CSF1R: variants seen among roughly 807,000 people sequenced by gnomAD.
The protein encoded by CSF1R is macrophage colony-stimulating factor 1 receptor.
CSF1R carries 40 observed loss-of-function variants against 110.0 expected under a neutral mutation model. That is an observed-to-expected ratio of 0.36 (90% confidence interval 0.28 to 0.47). The LOEUF (loss-of-function observed/expected upper bound fraction) is 0.47. Ranked by LOEUF, CSF1R falls within the 20% of genes least tolerant of loss-of-function variation. The pLI, the probability that CSF1R is intolerant of heterozygous loss-of-function variation, is 0.99. For missense variants in CSF1R, 1,052 were observed against 1,253.0 expected, an observed-to-expected ratio of 0.84 and a Z score of 2.42; for synonymous variants, 523 against 503.4, an observed-to-expected ratio of 1.04 and a Z score of -0.52.
rs898718835 is a variant in CSF1R at position 150,057,216 on chromosome 5, A to G, written c.2319+71T>C. Reference sequence around the variant, plus strand: ...CACAGGCTCCCGTTTCCTCCTCCCCATCGTCACTCATCCAGCCTCCCCGGA... The same window carrying G: ...CACAGGCTCCCGTTTCCTCCTCCCCGTCGTCACTCATCCAGCCTCCCCGGA... On this transcript the variant is annotated intron_variant, in intron 16 of 20. Transcript: ENST00000675795. 9 of 1,350,722 alleles carry G rather than the reference A, an allele frequency of 6.7e-6. No homozygotes were observed. In the African/African-American group the frequency reaches 1.2e-4, roughly 17 times the overall value. The allele number at this position is 1,350,722 out of a possible 1,614,324, so 83.7% of individuals were successfully genotyped here.
At chr5:150,076,793 C>T (rs1758285332) in intron 5 of CSF1R, 1 of 233,310 alleles carries the variant, frequency 4.3e-6, no homozygotes, top group African/African-American at 2.3e-5. Context: ...TGTTCCCCTT[C>T]CTTTCCCACC....
Position 150,080,807 on chromosome 5 carries a change from G to A in CSF1R, c.267C>T (p.Asp89=), listed in dbSNP as rs143080503. The A allele has an allele frequency of 3.7e-5, 59 of 1,614,154 alleles. No individual in the cohort carries two copies. In the African/African-American group the frequency reaches 6.3e-4, roughly 17 times the overall value. The part of the protein sequence containing the change: ...TGTYRCTEPG[D]PLGGSAAIHL... ...GGATGGCGGCGCTGCCTCCCAGGGG[G>A]TCTCCAGGCTCAGTGCAGCGATAGG... The change falls in exon 2 of 21, where the codon GAC becomes GAT. Residue 89 remains aspartate, a synonymous_variant. Coordinates refer to ENST00000675795, the MANE Select transcript of CSF1R (RefSeq NM_001288705.3).
chr5:150,057,595 A>G lies in CSF1R; in HGVS notation c.2133-3T>C. 1 of 1,613,214 alleles carries G rather than the reference A, an allele frequency of 6.2e-7. No individual in the cohort carries two copies. ...CCTGGCTGGAGAAGCCACTGTCCCT[A>G]CATAGGAGAGAGGGTTGGGGGGCAG... On this transcript the variant is annotated splice_region_variant and splice_polypyrimidine_tract_variant and intron_variant, in intron 14 of 20. Transcript: ENST00000675795.
intron 1 of CSF1R, chr5:150,098,472 T>C (rs985000652): frequency 1.3e-5 from 2 of 152,872 alleles, no homozygotes; most frequent in Non-Finnish European, 2.9e-5. Context: ...CTTTGTTCCT[T>C]CTCCACTCCC....
chr5:150,064,661 A>G (rs982215716), intron 10 of CSF1R, among the ~76,000 whole-genome samples: 1 of 151,970 alleles, frequency 6.6e-6, no homozygotes, highest in Non-Finnish European at 1.5e-5. Flanking sequence ...TTTTCTTACC[A>G]CTTCTTGTTC....
intron 1 of CSF1R, among the ~76,000 whole-genome samples, chr5:150,110,187 A>C (rs1759675547): frequency 6.6e-6 from 1 of 152,000 alleles, no homozygotes; most frequent in South Asian, 2.1e-4. Context: ...ACTCCAGCTC[A>C]TGCTCCTGCT....
intron 3 of CSF1R, among the ~76,000 whole-genome samples, chr5:150,079,569 TG>T (rs1192248705): frequency 6.6e-6 from 1 of 152,118 alleles, no homozygotes; most frequent in Non-Finnish European, 1.5e-5. Flanking sequence ...AGGCCCCCAG[TG>T]GGAAATCCAT....
At position 150,086,016 on chromosome 5, in the gene CSF1R, C is replaced by T. The variant is rs1175270863; in HGVS notation, c.49+363G>A. Among the ~76,000 whole-genome samples, 3 of 152,326 alleles carry T rather than the reference C, an allele frequency of 2.0e-5. No individual in the cohort carries two copies. In the East Asian group the frequency reaches 5.8e-4, roughly 29 times the overall value. On this transcript the variant is annotated intron_variant, in intron 1 of 20. Transcript: ENST00000675795. ...ACAAAATCCTCAGGTAACTTGTATGCACAGGAAAGTATGAAAAGCACTGCT... is the reference window on the plus strand; with the variant it reads ...ACAAAATCCTCAGGTAACTTGTATGTACAGGAAAGTATGAAAAGCACTGCT...
Position 150,085,277 on chromosome 5 carries a change from G to GAAAAAAAAAAAAAAAAAAAAAA in CSF1R, c.49+1101_49+1102insTTTTTTTTTTTTTTTTTTTTTT, listed in dbSNP as rs70973563. ...GTGACAGAGAGAGACTCTGTCTCAGGAAAAAAAAAAAAAAAACCCAAATAC... is the reference window on the plus strand; with the variant it reads ...GTGACAGAGAGAGACTCTGTCTCAGGAAAAAAAAAAAAAAAAAAAAAAAAAAAAAAAAAAAAAACCCAAATAC... On this transcript the variant is annotated intron_variant, in intron 1 of 20. Coordinates refer to ENST00000675795, the MANE Select transcript of CSF1R (RefSeq NM_001288705.3). Among the ~76,000 whole-genome samples the GAAAAAAAAAAAAAAAAAAAAAA allele has an allele frequency of 1.3e-4, 12 of 92,458 alleles. 1 individual carries two copies. Among genetic ancestry groups the GAAAAAAAAAAAAAAAAAAAAAA allele is most frequent in the East Asian group, 7.2e-4 (2 of 2,768 alleles). 60.7% of individuals were successfully genotyped at this position (92,458 alleles called of 152,430 possible).
At chr5:150,058,480 C>T (rs1195539660) in intron 14 of CSF1R, among the ~76,000 whole-genome samples, 4 of 152,194 alleles carry the variant, frequency 2.6e-5, no homozygotes, top group African/African-American at 9.7e-5. Context: ...ACTATGCTTC[C>T]GTTAACAGCC....
chr5:150,054,660 A>G (rs745705840), intron 19 of CSF1R: 1 of 509,514 alleles, frequency 2.0e-6, no homozygotes, highest in African/African-American at 1.9e-5. Context: ...CCATTTTGGT[A>G]TCCTCAGGGT....
Position 150,053,728 on chromosome 5 carries a change from C to G in CSF1R, c.*341G>C, listed in dbSNP as rs949257920. 1 of 411,722 alleles carries G rather than the reference C, an allele frequency of 2.4e-6. No homozygotes were observed. Among genetic ancestry groups the G allele is most frequent in the Non-Finnish European group, 4.5e-6 (1 of 223,860 alleles). 25.5% of individuals were successfully genotyped at this position (411,722 alleles called of 1,614,324 possible). On this transcript the variant is annotated 3_prime_UTR_variant, in exon 21 of 21. Coordinates refer to ENST00000675795, the MANE Select transcript of CSF1R (RefSeq NM_001288705.3). ...GTATCAGTGTAGCTCCTGGGGACTT[C>G]ATAGGCATAAAGTCAGTCCATTTCC...
At chr5:150,055,099 G>T in intron 19 of CSF1R, 138 bp downstream of exon 19, 1 of 695,904 alleles carries the variant, frequency 1.4e-6, no homozygotes, top group Non-Finnish European at 2.5e-6. Context: ...AAAGGGGCTT[G>T]TTGTGTCCAC....
intron 4 of CSF1R, 64 bp downstream of exon 4, chr5:150,078,048 C>T: frequency 1.9e-6 from 3 of 1,600,162 alleles, no homozygotes; most frequent in Non-Finnish European, 1.7e-6. Flanking sequence ...CAGGACTCCA[C>T]CATGGGAAAC....
intron 17 of CSF1R, 31 bp from the exon 18 acceptor site, chr5:150,056,168 C>T (rs775508236): frequency 1.2e-6 from 2 of 1,614,138 alleles, no homozygotes; most frequent in South Asian, 1.1e-5. Flanking sequence ...TATTTTGGGC[C>T]CCGACTCTTC....
intron 1 of CSF1R, among the ~76,000 whole-genome samples, chr5:150,112,577 T>C (rs1382526794): frequency 6.6e-6 from 1 of 152,236 alleles, no homozygotes; most frequent in Non-Finnish European, 1.5e-5. Context: ...AATCCCTGTC[T>C]GGAATGTGGG....
In CSF1R at chr5:150,080,037, C is replaced by G; in HGVS notation, c.592+15G>C. On this transcript the variant is annotated intron_variant, in intron 3 of 20. Transcript: ENST00000675795. ...ACTCTTCAGGCCTGGCTGCCGGTCC[C>G]CATGCCCCACGCACCTTTCTGCACT... The G allele has an allele frequency of 6.2e-7, 1 of 1,608,430 alleles. No individual in the cohort carries two copies. Among genetic ancestry groups the G allele is most frequent in the Non-Finnish European group, 8.5e-7 (1 of 1,176,032 alleles).
intron 1 of CSF1R, among the ~76,000 whole-genome samples, chr5:150,108,914 G>A (rs6892909): frequency 0.12 from 17,636 of 152,072 alleles, 1,625 homozygotes; most frequent in African/African-American, 0.25. Flanking sequence ...GAGACAGTTC[G>A]GCTTCTGTGA....
chr5:150,078,326 G>A, intron 3 of CSF1R, 78 bp from the exon 4 acceptor site: 1 of 1,549,034 alleles, frequency 6.5e-7, no homozygotes, highest in East Asian at 2.3e-5. Flanking sequence ...CCTGCCATGG[G>A]CCAGGACACA....
Sources: allele counts gnomAD v4.1 joint callset (sites outside exome capture counted in the v4.1 genomes callset), GRCh38; gene constraint gnomAD v4.1.1; transcripts MANE v1.5; gene names NCBI Gene and HGNC (gene_info 2026-07-23, HGNC 2026-07-21).